The following SLC41A3 variants were observed in gnomAD, a reference collection of about 807,000 sequenced individuals.
SLC41A3 encodes SLC41A1-like 2.
In SLC41A3, 44 loss-of-function variants were observed where a neutral mutation model predicts 45.4. That is an observed-to-expected ratio of 0.97 (90% confidence interval 0.76 to 1.25). The LOEUF (loss-of-function observed/expected upper bound fraction) is 1.25. SLC41A3 is among the 50% of genes most tolerant of loss of function. The probability of loss-of-function intolerance (pLI) is 0.00; values close to 1 mark genes in which losing one functional copy is unlikely to be tolerated. For missense variants in SLC41A3, 550 were observed against 600.6 expected, an observed-to-expected ratio of 0.92 and a Z score of 0.88; for synonymous variants, 256 against 252.4, an observed-to-expected ratio of 1.01 and a Z score of -0.13.
At chr3:126,080,404 A>G (rs1945091880) in intron 1 of SLC41A3, among the ~76,000 whole-genome samples, 1 of 152,208 alleles carries the variant, frequency 6.6e-6, no homozygotes, top group Admixed American at 6.5e-5. Flanking sequence ...AAAAGATCTG[A>G]ATAGATATTT....
Position 126,051,276 on chromosome 3 carries a change from G to A in SLC41A3, c.274-226C>T, listed in dbSNP as rs538675073. On this transcript the variant is annotated intron_variant, in intron 2 of 10. Transcript: ENST00000360370. ...ATCAGCGGCCGTAAGCACACTGGGG[G>A]CTGGGCCAGGCTGGAGGCCAGCGGG... Among the ~76,000 whole-genome samples, 71 of 152,384 alleles carry A rather than the reference G, an allele frequency of 4.7e-4. No individual in the cohort carries two copies. The South Asian group carries it at 0.014, about 31-fold the overall frequency.
intron 4 of SLC41A3, among the ~76,000 whole-genome samples, chr3:126,027,339 C>T (rs1477384989): frequency 1.3e-5 from 2 of 149,356 alleles, no homozygotes; most frequent in Non-Finnish European, 3.0e-5. Flanking sequence ...TGTGGCACCT[C>T]GTTCCTCTCT....
At chr3:126,101,515 G>A (rs531682197) in exon 1 of SLC41A3, 21 of 152,378 alleles carry the variant, frequency 1.4e-4, no homozygotes, top group African/African-American at 4.8e-4. Context: ...GGTCTCCAGC[G>A]TGACTGCAGT....
intron 1 of SLC41A3, among the ~76,000 whole-genome samples, chr3:126,074,136 C>T (rs542155309): frequency 1.2e-4 from 19 of 152,018 alleles, no homozygotes; most frequent in African/African-American, 4.3e-4. Flanking sequence ...CACTCTTTCA[C>T]GATAAAAACA....
intron 2 of SLC41A3, 131 bp from the exon 3 acceptor site, chr3:126,051,181 T>A: frequency 9.5e-7 from 1 of 1,056,800 alleles, no homozygotes; most frequent in Non-Finnish European, 1.3e-6. Context: ...AGTACTTTCT[T>A]AAATGGCTTT....
Position 126,007,061 on chromosome 3 carries a change from C to T in SLC41A3, c.1419G>A (p.Lys473=), listed in dbSNP as rs199828879. ...CFFTDWLLKS[K]AELGGISELA... ...GTTCTGAGATGCCACCCAGCTCTGC[C>T]TTGCTCTTCAGTAGCCAGTCAGTGA... The change falls in exon 11 of 11, where the codon AAG becomes AAA. Residue 473 remains lysine (K), a synonymous_variant. Transcript: ENST00000360370. 9 of 1,614,196 alleles carry T rather than the reference C, an allele frequency of 5.6e-6. 1 individual carries two copies. The highest frequency in any genetic ancestry group is 7.6e-6 in the Non-Finnish European group (9 of 1,180,036).
At chr3:126,064,541 A>T (rs1944253377) in intron 2 of SLC41A3, among the ~76,000 whole-genome samples, 1 of 152,012 alleles carries the variant, frequency 6.6e-6, no homozygotes, top group Non-Finnish European at 1.5e-5. Context: ...AGTGTCCACC[A>T]TCCCCATAAC....
chr3:126,087,848 T>C (rs1372226616), upstream of SLC41A3, among the ~76,000 whole-genome samples: 1 of 152,058 alleles, frequency 6.6e-6, no homozygotes, highest in East Asian at 1.9e-4. Context: ...GAAATTATAG[T>C]AGTCTTTCTA....
At chr3:126,075,839 C>G (rs980454320) in intron 1 of SLC41A3, among the ~76,000 whole-genome samples, 1 of 152,128 alleles carries the variant, frequency 6.6e-6, no homozygotes, top group African/African-American at 2.4e-5. Context: ...CTCAAAATGG[C>G]TTAAAGAGTT....
chr3:126,084,811 A>C (rs1027138987), upstream of SLC41A3, among the ~76,000 whole-genome samples: 2 of 152,188 alleles, frequency 1.3e-5, no homozygotes, highest in African/African-American at 4.8e-5. Flanking sequence ...CCAACCACCA[A>C]ATCATCCGAA....
chr3:126,047,376 G>T (rs75586167), intron 3 of SLC41A3, among the ~76,000 whole-genome samples: 363 of 152,120 alleles, frequency 2.4e-3, no homozygotes, highest in African/African-American at 8.3e-3. Flanking sequence ...AAACAAACAA[G>T]AACTAAATGC....
intron 2 of SLC41A3, 40 bp downstream of exon 2, chr3:126,067,907 G>A (rs868712427): frequency 6.5e-7 from 1 of 1,534,954 alleles, no homozygotes; most frequent in Admixed American, 2.0e-5. Context: ...GTGATGTTCG[G>A]CAGTGCCCCG....
intron 3 of SLC41A3, among the ~76,000 whole-genome samples, chr3:126,045,828 A>C (rs538544143): frequency 3.0e-4 from 46 of 152,278 alleles, no homozygotes; most frequent in African/African-American, 1.1e-3. Context: ...CTACAGACCA[A>C]TATCTGCTGG....
At chr3:126,046,783 G>A (rs1181609178) in intron 3 of SLC41A3, among the ~76,000 whole-genome samples, 1 of 151,572 alleles carries the variant, frequency 6.6e-6, no homozygotes, top group African/African-American at 2.4e-5. Flanking sequence ...CCAACATGAT[G>A]AAACCACTTC....
intron 3 of SLC41A3, among the ~76,000 whole-genome samples, chr3:126,038,854 CCA>C (rs1942385823): frequency 1.3e-5 from 2 of 152,106 alleles, no homozygotes; most frequent in South Asian, 4.2e-4. Flanking sequence ...AATGTGATCC[CCA>C]GTGTTGGAGG....
At chr3:126,030,759 G>T (rs1441626692) in intron 4 of SLC41A3, among the ~76,000 whole-genome samples, 1 of 152,136 alleles carries the variant, frequency 6.6e-6, no homozygotes, top group African/African-American at 2.4e-5. Context: ...GGATGCACAA[G>T]ATATACTTTG....
At chr3:126,008,229 C>T (rs911084987) in intron 10 of SLC41A3, among the ~76,000 whole-genome samples, 1 of 152,196 alleles carries the variant, frequency 6.6e-6, no homozygotes, top group Non-Finnish European at 1.5e-5. Context: ...GAGTGATGTG[C>T]AAGATGACAT....
At chr3:126,076,183 T>C (rs2365008) in intron 1 of SLC41A3, among the ~76,000 whole-genome samples, 98,634 of 152,104 alleles carry the variant, frequency 0.65, 32,206 homozygotes, top group Middle Eastern at 0.72. Context: ...TCTCCAAAGA[T>C]GTACAATGGC....
chr3:126,053,678 T>C (rs533041836), intron 2 of SLC41A3, among the ~76,000 whole-genome samples: 6 of 152,290 alleles, frequency 3.9e-5, no homozygotes, highest in African/African-American at 4.8e-5. Context: ...CTGCAGCCAA[T>C]AGCAAATACA....
Sources: allele counts gnomAD v4.1 joint callset (sites outside exome capture counted in the v4.1 genomes callset), GRCh38; gene constraint gnomAD v4.1.1; transcripts MANE v1.5; gene names NCBI Gene and HGNC (gene_info 2026-07-23, HGNC 2026-07-21).